TGFBR2: variants seen among roughly 807,000 people sequenced by gnomAD.
TGFBR2 encodes TGF-beta receptor type-2.
A neutral mutation model predicts 49.0 loss-of-function variants in TGFBR2; 18 were observed. The ratio of observed to expected loss-of-function variants is 0.37; its 90% CI spans 0.25 to 0.54. The LOEUF (loss-of-function observed/expected upper bound fraction) is 0.54, where lower values mean the gene tolerates loss of function less well. TGFBR2 is among the 20% of genes least tolerant of loss of function. TGFBR2 has a pLI of 0.85. For missense variants in TGFBR2, 525 were observed against 722.6 expected (o/e 0.73, Z 3.13); for synonymous variants, 282 against 275.9 (o/e 1.02, Z -0.22).
intron 3 of TGFBR2, among the ~76,000 whole-genome samples, chr3:30,658,025 G>C (rs1316247975): frequency 6.6e-6 from 1 of 152,212 alleles, no homozygotes; most frequent in Admixed American, 6.5e-5. Context: ...AGGCAAGATA[G>C]TAAATATTTT....
At chr3:30,647,924 G>T (rs1281375566) in intron 2 of TGFBR2, among the ~76,000 whole-genome samples, 2 of 152,090 alleles carry the variant, frequency 1.3e-5, no homozygotes, top group African/African-American at 4.8e-5. Context: ...TGATCCGCCT[G>T]CCTCGGCCTC....
In TGFBR2 at chr3:30,693,478, A is replaced by C. The variant is rs1273100962; in HGVS notation, c.*1879A>C. ...TTTCAGCCAAATAGGAATATTAGAG[A>C]GGGACTGGTAGTGAGAATATCAGCT... is the stretch of plus-strand genomic sequence containing the variant. On this transcript the variant is annotated 3_prime_UTR_variant, in exon 7 of 7. Transcript: ENST00000295754. 4.3e-6 allele frequency: 1 copy of C among 233,624 alleles called. No homozygotes were observed. Among genetic ancestry groups the C allele is most frequent in the Non-Finnish European group, 8.5e-6 (1 of 117,904 alleles). The allele number at this position is 233,624 out of a possible 1,614,324, so 14.5% of individuals were successfully genotyped here. A position where few individuals can be genotyped will look rare whatever the true frequency, so the allele number is the denominator to read the frequency against.
Position 30,650,212 on chromosome 3 carries a change from T to C in TGFBR2, c.264-58T>C, listed in dbSNP as rs558508917. 2.1e-5 allele frequency: 32 copies of C among 1,558,314 alleles called. 2 individuals carry two copies. In the African/African-American group the frequency reaches 4.3e-4, roughly 21 times the overall value. On this transcript the variant is annotated intron_variant, in intron 2 of 6. Coordinates refer to ENST00000295754, the MANE Select transcript of TGFBR2 (RefSeq NM_003242.6). ...TTCTGTCTGGAGGCCATATTATTCATTTATTCTCTTTCTCTCTCTCCCTCT... is the reference window on the plus strand; with the variant it reads ...TTCTGTCTGGAGGCCATATTATTCACTTATTCTCTTTCTCTCTCTCCCTCT...
chr3:30,692,881 T>C lies in TGFBR2; in HGVS notation c.*1282T>C, dbSNP rs1200496795. 4.3e-6 allele frequency: 1 copy of C among 233,132 alleles called. No homozygotes were observed. The highest frequency in any genetic ancestry group is 8.5e-6 in the Non-Finnish European group (1 of 117,946). 14.4% of individuals were successfully genotyped at this position (233,132 alleles called of 1,614,324 possible). A position where few individuals can be genotyped will look rare whatever the true frequency, so the allele number is the denominator to read the frequency against. ...GCAGATGGTTTTCAGTTATCTCCAGTCCACGTTCACAAAATGTGAAGGTGT... is the reference window on the plus strand; with the variant it reads ...GCAGATGGTTTTCAGTTATCTCCAGCCCACGTTCACAAAATGTGAAGGTGT... On this transcript the variant is annotated 3_prime_UTR_variant, in exon 7 of 7. Transcript: ENST00000295754.
At chr3:30,636,914 A>C (rs1698546472) in intron 1 of TGFBR2, among the ~76,000 whole-genome samples, 1 of 151,976 alleles carries the variant, frequency 6.6e-6, no homozygotes, top group African/African-American at 2.4e-5. Context: ...AATACAAAAA[A>C]TTAGCCAAGC....
intron 3 of TGFBR2, among the ~76,000 whole-genome samples, chr3:30,658,415 T>G (rs1172116182): frequency 6.6e-6 from 1 of 152,212 alleles, no homozygotes; most frequent in African/African-American, 2.4e-5. Context: ...TTGTTGTTGT[T>G]TTTGGGAATG....
intron 3 of TGFBR2, among the ~76,000 whole-genome samples, chr3:30,657,778 C>T (rs966514545): frequency 3.3e-5 from 5 of 152,222 alleles, no homozygotes; most frequent in Middle Eastern, 3.4e-3. Context: ...CACCTGAGTC[C>T]TATTGAGGTG....
At chr3:30,671,041 C>G (rs1453322138) in intron 3 of TGFBR2, among the ~76,000 whole-genome samples, 1 of 152,194 alleles carries the variant, frequency 6.6e-6, no homozygotes, top group Admixed American at 6.5e-5. Flanking sequence ...TGTGTTTTTA[C>G]CAGATGTCAT....
At chr3:30,619,371 C>T (rs529868206) in intron 1 of TGFBR2, among the ~76,000 whole-genome samples, 1 of 152,278 alleles carries the variant, frequency 6.6e-6, no homozygotes, top group Non-Finnish European at 1.5e-5. Flanking sequence ...CCCCAGATGG[C>T]ATTTTGAATA....
At position 30,606,839 on chromosome 3, in the gene TGFBR2, C is replaced by T; in HGVS notation, c.-45C>T. ...AGCCAGGGGTCCGGGAAGGCGCCGT[C>T]CGCTGCGCTGGGGGCTCGGTCTATG... On this transcript the variant is annotated 5_prime_UTR_variant, in exon 1 of 7. Transcript: ENST00000295754. 7.6e-7 allele frequency: 1 copy of T among 1,318,098 alleles called. No individual in the cohort carries two copies. The highest frequency in any genetic ancestry group is 2.0e-5 in the South Asian group (1 of 50,332). 81.7% of individuals were successfully genotyped at this position (1,318,098 alleles called of 1,614,324 possible). A position where few individuals can be genotyped will look rare whatever the true frequency, so the allele number is the denominator to read the frequency against.
intron 3 of TGFBR2, among the ~76,000 whole-genome samples, chr3:30,665,928 T>C (rs1194385832): frequency 6.6e-6 from 1 of 152,238 alleles, no homozygotes; most frequent in Non-Finnish European, 1.5e-5. Flanking sequence ...TGTGTTATAG[T>C]AATATATGTT....
At chr3:30,668,393 A>G (rs1032606239) in intron 3 of TGFBR2, among the ~76,000 whole-genome samples, 1 of 152,198 alleles carries the variant, frequency 6.6e-6, no homozygotes, top group South Asian at 2.1e-4. Context: ...TCAAGCAAAC[A>G]CATTCATTGG....
chr3:30,664,642 T>C (rs1699212548), intron 3 of TGFBR2, among the ~76,000 whole-genome samples: 1 of 152,254 alleles, frequency 6.6e-6, no homozygotes, highest in Non-Finnish European at 1.5e-5. Context: ...GTCTTATAAC[T>C]TGAGTATGCA....
At chr3:30,652,546 T>A (rs1698915193) in intron 3 of TGFBR2, among the ~76,000 whole-genome samples, 1 of 152,198 alleles carries the variant, frequency 6.6e-6, no homozygotes, top group African/African-American at 2.4e-5. Flanking sequence ...ATGTTCTTTA[T>A]GTGATTTGAG....
At chr3:30,632,969 A>G (rs1443445777) in intron 1 of TGFBR2, among the ~76,000 whole-genome samples, 1 of 152,224 alleles carries the variant, frequency 6.6e-6, no homozygotes, top group Non-Finnish European at 1.5e-5. Context: ...GCTTTTGTCT[A>G]AGAAACTTAT....
intron 1 of TGFBR2, among the ~76,000 whole-genome samples, chr3:30,623,969 C>T (rs2125454656): frequency 6.6e-6 from 1 of 152,200 alleles, no homozygotes; most frequent in Middle Eastern, 3.4e-3. Context: ...TGGTGAAACC[C>T]TATCTCTACT....
intron 3 of TGFBR2, among the ~76,000 whole-genome samples, chr3:30,658,859 T>C (rs1214683706): frequency 6.6e-6 from 1 of 152,178 alleles, no homozygotes. Context: ...TCTGGACCCA[T>C]TGTGTCCTTA....
chr3:30,671,513 A>G, intron 3 of TGFBR2, 125 bp from the exon 4 acceptor site: 2 of 961,064 alleles, frequency 2.1e-6, no homozygotes, highest in Non-Finnish European at 3.2e-6. Flanking sequence ...AAAAATTAAC[A>G]ATATCGTATC....
Position 30,618,697 on chromosome 3 carries a change from G to A in TGFBR2, c.94+11720G>A, listed in dbSNP as rs1698175654. Among the ~76,000 whole-genome samples the A allele has an allele frequency of 2.6e-5, 4 of 152,140 alleles. No homozygotes were observed. The South Asian group carries it at 8.3e-4, about 32-fold the overall frequency. Reference sequence around the variant, plus strand: ...GTAGCACTCTGCTCTATACAAAGTAGGTACCCAATAAATTAATGATTCGAT... The same window carrying A: ...GTAGCACTCTGCTCTATACAAAGTAAGTACCCAATAAATTAATGATTCGAT... On this transcript the variant is annotated intron_variant, in intron 1 of 6. Coordinates refer to ENST00000295754, the MANE Select transcript of TGFBR2 (RefSeq NM_003242.6).
Sources: gnomAD v4.1 joint callset for allele counts (sites outside exome capture counted in the v4.1 genomes callset) on GRCh38, gnomAD v4.1.1 for gene constraint, MANE v1.5 for transcripts, NCBI Gene and HGNC (gene_info 2026-07-23, HGNC 2026-07-21) for gene names.